The following CADM3 variants were observed in gnomAD, a reference collection of about 807,000 sequenced individuals.
The protein encoded by CADM3 is TSLC1-like 1.
CADM3 carries 11 observed loss-of-function variants against 44.9 expected under a neutral mutation model. The observed-to-expected ratio is 0.25, with a 90% CI of 0.15 to 0.41. The LOEUF (loss-of-function observed/expected upper bound fraction) is 0.41. Ranked by LOEUF, CADM3 falls within the 10% of genes least tolerant of loss-of-function variation. The pLI is 1.00. For synonymous variants in CADM3, 207 were observed against 205.2 expected (o/e 1.01, Z -0.08); for missense variants, 426 against 512.0 (o/e 0.83, Z 1.62).
rs934477979 is a variant in CADM3, at chr1:159,202,353, T to A, written c.*1431T>A. 4.6e-5 allele frequency: 7 copies of A among 152,926 alleles called. No individual in the cohort carries two copies. Among genetic ancestry groups the A allele is most frequent in the Admixed American group, 1.3e-4 (2 of 15,300 alleles). 9.5% of individuals were successfully genotyped at this position (152,926 alleles called of 1,614,324 possible). A position where few individuals can be genotyped will look rare whatever the true frequency, so the allele number is the denominator to read the frequency against. ...TGTGTTTGCCCAGCTGTCCATTCTA[T>A]CTCTCCCTTAAACACAGAGCATTCA... is the stretch of plus-strand genomic sequence containing the variant. On this transcript the variant is annotated 3_prime_UTR_variant, in exon 9 of 9. Coordinates refer to ENST00000368125, the MANE Select transcript of CADM3 (RefSeq NM_001127173.3).
intron 5 of CADM3, chr1:159,195,261 C>T (rs987184413): frequency 1.3e-5 from 2 of 152,226 alleles, no homozygotes; most frequent in African/African-American, 4.8e-5. Context: ...CTCCTGCTTA[C>T]TTTGCTGAGT....
At chr1:159,191,633 T>C (rs1649664280) in intron 1 of CADM3, among the ~76,000 whole-genome samples, 1 of 152,218 alleles carries the variant, frequency 6.6e-6, no homozygotes, top group Non-Finnish European at 1.5e-5. Context: ...TGGAGTGGTA[T>C]GTGCAGATTT....
intron 1 of CADM3, among the ~76,000 whole-genome samples, chr1:159,185,371 C>T (rs1311261972): frequency 6.6e-6 from 1 of 152,064 alleles, no homozygotes; most frequent in African/African-American, 2.4e-5. Flanking sequence ...AACAAGGAAT[C>T]TTTCCCAGTT....
chr1:159,188,865 T>G (rs1355762998), intron 1 of CADM3, among the ~76,000 whole-genome samples: 1 of 152,168 alleles, frequency 6.6e-6, no homozygotes. Flanking sequence ...ATGTAGGAAG[T>G]AAGTTTCTTG....
chr1:159,191,733 A>G (rs1422448268), intron 1 of CADM3, among the ~76,000 whole-genome samples: 1 of 152,152 alleles, frequency 6.6e-6, no homozygotes, highest in Non-Finnish European at 1.5e-5. Flanking sequence ...CTGTGTATTC[A>G]AAGTAAGTAA....
rs753298743 is a variant in CADM3, at chr1:159,193,402, G to A, written c.383-21G>A. On this transcript the variant is annotated intron_variant, in intron 3 of 8. Transcript: ENST00000368125. ...CATGGGGCCTCTCCTTCCTATCCTG[G>A]CCATCCCCTATCCATGGCAGGAATT... The A allele has an allele frequency of 6.3e-6, 10 of 1,575,468 alleles. No homozygotes were observed. In the Admixed American group the frequency reaches 1.7e-4, roughly 27 times the overall value.
In CADM3 at chr1:159,172,713, C is replaced by T. The variant is rs527585037; in HGVS notation, c.88+860C>T. Reference sequence around the variant, plus strand: ...CTAGCCCCTTTGCCCCAGTCTGGAACTCAAACCTTCGCTGGTTCCTAATGG... The same window carrying T: ...CTAGCCCCTTTGCCCCAGTCTGGAATTCAAACCTTCGCTGGTTCCTAATGG... On this transcript the variant is annotated intron_variant, in intron 1 of 8. Coordinates refer to ENST00000368125, the MANE Select transcript of CADM3 (RefSeq NM_001127173.3). 2.6e-4 allele frequency among the ~76,000 whole-genome samples: 39 copies of T among 152,202 alleles called. No individual in the cohort carries two copies. In the South Asian group the frequency reaches 7.5e-3, roughly 29 times the overall value.
At position 159,182,445 on chromosome 1, in the gene CADM3, A is replaced by G. The variant is rs192231840; in HGVS notation, c.89-9491A>G. On this transcript the variant is annotated intron_variant, in intron 1 of 8. Transcript: ENST00000368125. ...CAGTCCACAAGGACTGCTATAAACT[A>G]TCAATGAGTACAGGTCTCACTCACT... 3.5e-3 allele frequency among the ~76,000 whole-genome samples: 530 copies of G among 152,302 alleles called. 2 individuals carry two copies. The highest frequency in any genetic ancestry group is 5.7e-3 in the Non-Finnish European group (385 of 68,020).
At chr1:159,178,140 G>A (rs1449238490) in intron 1 of CADM3, among the ~76,000 whole-genome samples, 1 of 152,142 alleles carries the variant, frequency 6.6e-6, no homozygotes, top group East Asian at 1.9e-4. Flanking sequence ...AGGCAATAAC[G>A]ACAGGGGAAA....
At chr1:159,200,506 G>T (rs192411358) in intron 8 of CADM3, among the ~76,000 whole-genome samples, 2,340 of 133,182 alleles carry the variant, frequency 0.018, 24 homozygotes, top group Non-Finnish European at 0.023. Context: ...ACACACACAC[G>T]CATGCGTGCA....
chr1:159,193,895 T>C lies in CADM3; in HGVS notation c.546T>C (p.Asp182=), dbSNP rs539279686. Residue 182 remains aspartate (D), a synonymous_variant, in exon 5 of 9, where the codon GAT becomes GAC. Coordinates refer to ENST00000368125, the MANE Select transcript of CADM3 (RefSeq NM_001127173.3). The part of the protein sequence containing the change: ...LHGEPTRIQE[D]PNGKTFTVSS... ...GAGAACCAACCCGCATACAGGAAGA[T>C]CCCAATGGTAAAACCTTCACTGTCA... is the stretch of plus-strand genomic sequence containing the variant. 23 of 1,614,132 alleles carry C rather than the reference T, an allele frequency of 1.4e-5. No homozygotes were observed. The East Asian group carries it at 4.7e-4, about 33-fold the overall frequency.
chr1:159,196,209 G>A (rs1007334196), intron 5 of CADM3, 155 bp from the exon 6 acceptor site: 8 of 602,550 alleles, frequency 1.3e-5, no homozygotes, highest in Non-Finnish European at 2.4e-5. Context: ...AGCAATAATG[G>A]TCCTTGTTCA....
intron 1 of CADM3, among the ~76,000 whole-genome samples, chr1:159,187,161 A>G (rs897236172): frequency 8.5e-5 from 13 of 152,244 alleles, no homozygotes; most frequent in Admixed American, 1.3e-4. Flanking sequence ...ATGCTGTTGG[A>G]CAGAATACAT....
At position 159,193,416 on chromosome 1, in the gene CADM3, A is replaced by G. The variant is rs1435341616; in HGVS notation, c.383-7A>G. On this transcript the variant is annotated splice_polypyrimidine_tract_variant and splice_region_variant and intron_variant, in intron 3 of 8. Transcript: ENST00000368125. ...TTCCTATCCTGGCCATCCCCTATCC[A>G]TGGCAGGAATTCCACAGAAGCCCAT... is the stretch of plus-strand genomic sequence containing the variant. The G allele has an allele frequency of 4.4e-6, 7 of 1,586,564 alleles. No homozygotes were observed. Among genetic ancestry groups the G allele is most frequent in the African/African-American group, 1.3e-5 (1 of 74,458 alleles).
intron 1 of CADM3, among the ~76,000 whole-genome samples, chr1:159,175,405 A>G (rs993304770): frequency 3.3e-5 from 5 of 152,236 alleles, no homozygotes; most frequent in Admixed American, 2.6e-4. Context: ...ATGCCATTCT[A>G]TTCTAAGCTT....
At chr1:159,191,407 C>G (rs1649655962) in intron 1 of CADM3, among the ~76,000 whole-genome samples, 1 of 152,164 alleles carries the variant, frequency 6.6e-6, no homozygotes, top group Non-Finnish European at 1.5e-5. Flanking sequence ...GTTTGTTTTG[C>G]AGTTTTCTAC....
chr1:159,173,776 G>A (rs202178739), intron 1 of CADM3, among the ~76,000 whole-genome samples: 2 of 152,204 alleles, frequency 1.3e-5, no homozygotes, highest in East Asian at 3.9e-4. Context: ...GCTAGGCTGG[G>A]CCCCAAAAAG....
rs755109630 is a variant in CADM3, at chr1:159,171,754, C to T, written c.-12C>T. ...CGCCAGCGCCCAGCCAGGGAGCCGG[C>T]CGGGAAGCGCGATGGGGGCCCCAGC... On this transcript the variant is annotated 5_prime_UTR_variant, in exon 1 of 9. Coordinates refer to ENST00000368125, the MANE Select transcript of CADM3 (RefSeq NM_001127173.3). The T allele has an allele frequency of 2.6e-3, 3,229 of 1,234,626 alleles. 10 individuals carry two copies. The highest frequency in any genetic ancestry group is 3.5e-3 in the Middle Eastern group (12 of 3,448). The allele number at this position is 1,234,626 out of a possible 1,614,324, so 76.5% of individuals were successfully genotyped here. A position where few individuals can be genotyped will look rare whatever the true frequency, so the allele number is the denominator to read the frequency against.
intron 1 of CADM3, 114 bp from the exon 2 acceptor site, chr1:159,191,822 C>G: frequency 8.0e-7 from 1 of 1,248,406 alleles, no homozygotes; most frequent in South Asian, 1.4e-5. Flanking sequence ...TACACAGAGA[C>G]CTTGTGTACA....
Sources: allele counts gnomAD v4.1 joint callset (sites outside exome capture counted in the v4.1 genomes callset), GRCh38; gene constraint gnomAD v4.1.1; transcripts MANE v1.5; gene names NCBI Gene and HGNC (gene_info 2026-07-23, HGNC 2026-07-21).